The following NRG1 variants were observed in gnomAD, a reference collection of about 807,000 sequenced individuals.
NRG1 encodes the protein pro-neuregulin-1, membrane-bound isoform.
Under a neutral mutation model 63.8 loss-of-function variants are expected in NRG1, and 18 were observed. The ratio of observed to expected loss-of-function variants is 0.28; its 90% CI spans 0.19 to 0.42. NRG1 has a LOEUF of 0.42. NRG1 is among the 10% of genes least tolerant of loss of function. The pLI is 1.00. For synonymous variants in NRG1, 302 were observed against 301.3 expected (o/e 1.00, Z -0.02); for missense variants, 762 against 814.7 (o/e 0.94, Z 0.79).
intron 1 of NRG1, among the ~76,000 whole-genome samples, chr8:32,196,118 A>AGTGAGTGT (rs1554649478): frequency 6.8e-6 from 1 of 146,854 alleles, no homozygotes; most frequent in African/African-American, 2.5e-5. Context: ...AAAAACAATG[A>AGTGAGTGT]GTGTGTGTGT....
At chr8:32,492,204 A>G (rs776970192) in intron 1 of NRG1, among the ~76,000 whole-genome samples, 2 of 152,100 alleles carry the variant, frequency 1.3e-5, no homozygotes, top group Non-Finnish European at 2.9e-5. Context: ...CACAATGTTG[A>G]GCACATGCTC....
intron 1 of NRG1, among the ~76,000 whole-genome samples, chr8:31,937,003 A>G (rs1182577327): frequency 6.6e-6 from 1 of 152,218 alleles, no homozygotes; most frequent in African/African-American, 2.4e-5. Context: ...CATTGGGAAG[A>G]CTTCTTACTC....
intron 1 of NRG1, among the ~76,000 whole-genome samples, chr8:32,339,631 T>A (rs572164394): frequency 6.6e-6 from 1 of 152,348 alleles, no homozygotes; most frequent in African/African-American, 2.4e-5. Flanking sequence ...TTTATTTACA[T>A]GCTTTATCTA....
intron 1 of NRG1, among the ~76,000 whole-genome samples, chr8:31,946,533 A>T (rs1048499357): frequency 1.3e-4 from 20 of 152,236 alleles, no homozygotes; most frequent in African/African-American, 4.8e-4. Context: ...TAGATTTTTT[A>T]AACTGAATAA....
intron 1 of NRG1, among the ~76,000 whole-genome samples, chr8:32,559,468 A>G: frequency 6.6e-6 from 1 of 152,194 alleles, no homozygotes. Context: ...CACTCTAGAA[A>G]ATAAGAAATG....
chr8:32,288,992 C>T (rs1220297914), intron 1 of NRG1, among the ~76,000 whole-genome samples: 1 of 152,152 alleles, frequency 6.6e-6, no homozygotes, highest in African/African-American at 2.4e-5. Flanking sequence ...ACCACGCAAA[C>T]TGGCTAACTG....
chr8:32,506,061 G>C (rs1024467589), intron 1 of NRG1, among the ~76,000 whole-genome samples: 14 of 151,902 alleles, frequency 9.2e-5, no homozygotes. Context: ...ACCATACTGG[G>C]CAAGATAGCA....
intron 1 of NRG1, among the ~76,000 whole-genome samples, chr8:32,462,140 A>T: frequency 6.6e-6 from 1 of 152,242 alleles, no homozygotes; most frequent in East Asian, 1.9e-4. Flanking sequence ...CAGACCTGAT[A>T]GTCTTCTGTA....
chr8:31,950,739 A>G (rs1430050558), intron 1 of NRG1, among the ~76,000 whole-genome samples: 2 of 152,174 alleles, frequency 1.3e-5, no homozygotes, highest in African/African-American at 4.8e-5. Context: ...TATGTTTTCT[A>G]TCTGTATGCC....
intron 1 of NRG1, among the ~76,000 whole-genome samples, chr8:31,814,634 A>ATAAATATTAAATAATTTAAAAT (rs1249908468): frequency 2.0e-5 from 3 of 150,220 alleles, no homozygotes; most frequent in East Asian, 3.9e-4. Flanking sequence ...CTAATAATTA[A>ATAAATATTAAATAATTTAAAAT]TAAATATTAA....
At chr8:31,765,225 T>G (rs1817944765) in intron 1 of NRG1, among the ~76,000 whole-genome samples, 1 of 152,176 alleles carries the variant, frequency 6.6e-6, no homozygotes. Flanking sequence ...CTATGCACTT[T>G]TTTTATAGAT....
At chr8:32,258,885 A>C (rs1850050007) in intron 1 of NRG1, among the ~76,000 whole-genome samples, 1 of 152,166 alleles carries the variant, frequency 6.6e-6, no homozygotes, top group South Asian at 2.1e-4. Context: ...CTGCCTCTGT[A>C]GTCCAGGCCC....
chr8:32,004,827 G>A (rs4147431), intron 1 of NRG1, among the ~76,000 whole-genome samples: 90,364 of 151,506 alleles, frequency 0.6, 29,009 homozygotes, highest in South Asian at 0.73. Context: ...ACAAAGTCAT[G>A]ATGAGACCTC....
chr8:32,652,948 A>G (rs1315208877), intron 5 of NRG1, among the ~76,000 whole-genome samples: 1 of 152,234 alleles, frequency 6.6e-6, no homozygotes, highest in African/African-American at 2.4e-5. Context: ...AAGCATAAAA[A>G]GTTATGACTT....
chr8:32,344,672 CT>C (rs1249416355), intron 1 of NRG1, among the ~76,000 whole-genome samples: 2 of 134,718 alleles, frequency 1.5e-5, no homozygotes, highest in Non-Finnish European at 3.0e-5. Flanking sequence ...CCAGGCTGGT[CT>C]TGAACTCCTG....
chr8:32,046,869 A>G (rs763264311), intron 1 of NRG1, among the ~76,000 whole-genome samples: 41 of 152,162 alleles, frequency 2.7e-4, no homozygotes, highest in Non-Finnish European at 5.4e-4. Flanking sequence ...ATATAAATCT[A>G]TGCATGTGAT....
At chr8:31,712,637 C>G (rs962807411) in intron 1 of NRG1, among the ~76,000 whole-genome samples, 1 of 152,116 alleles carries the variant, frequency 6.6e-6, no homozygotes, top group South Asian at 2.1e-4. Context: ...TTTGGTTAGA[C>G]TTTTCATTCT....
At chr8:31,745,042 T>G (rs2131421962) in intron 1 of NRG1, among the ~76,000 whole-genome samples, 1 of 152,112 alleles carries the variant, frequency 6.6e-6, no homozygotes, top group Admixed American at 6.6e-5. Flanking sequence ...ACTCAATTTT[T>G]AATGAATAAT....
intron 5 of NRG1, among the ~76,000 whole-genome samples, chr8:32,697,433 A>G (rs1261002757): frequency 1.3e-5 from 2 of 152,226 alleles, no homozygotes; most frequent in Non-Finnish European, 2.9e-5. Context: ...TTAGTGCTGA[A>G]TACTTGTCTC....
Sources: allele counts gnomAD v4.1 joint callset (sites outside exome capture counted in the v4.1 genomes callset), GRCh38; gene constraint gnomAD v4.1.1; transcripts MANE v1.5; gene names NCBI Gene and HGNC (gene_info 2026-07-23, HGNC 2026-07-21).